MED13L: variants seen among roughly 807,000 people sequenced by gnomAD.
MED13L encodes the protein mediator of RNA polymerase II transcription subunit 13-like.
MED13L carries 7 observed loss-of-function variants against 220.9 expected under a neutral mutation model. The observed-to-expected ratio is 0.03, with a 90% CI of 0.02 to 0.06. The LOEUF (loss-of-function observed/expected upper bound fraction) is 0.06, where lower values mean the gene tolerates loss of function less well. Among genes scored for constraint, MED13L ranks in the 10% least tolerant of loss-of-function variants. MED13L has a pLI of 1.00. For synonymous variants in MED13L, 1,011 were observed against 1,015.2 expected (o/e 1.00, Z 0.08); for missense variants, 1,965 against 2,760.5 (o/e 0.71, Z 6.46).
At chr12:116,044,023 GT>G (rs1881686475) in intron 4 of MED13L, among the ~76,000 whole-genome samples, 1 of 152,148 alleles carries the variant, frequency 6.6e-6, no homozygotes, top group African/African-American at 2.4e-5. Context: ...CTAAACAAAT[GT>G]GTCAAGAAAG....
chr12:116,129,890 C>T (rs1875916587), intron 2 of MED13L, among the ~76,000 whole-genome samples: 1 of 139,580 alleles, frequency 7.2e-6, no homozygotes, highest in Non-Finnish European at 1.5e-5. Flanking sequence ...GCCTGGGCAA[C>T]AGAGTGAGAC....
At chr12:116,078,143 A>G (rs1246762511) in intron 4 of MED13L, among the ~76,000 whole-genome samples, 1 of 139,242 alleles carries the variant, frequency 7.2e-6, no homozygotes, top group Admixed American at 7.0e-5. Flanking sequence ...CTCTGTCTCA[A>G]AAAAAAAAAA....
chr12:116,232,040 G>C lies in MED13L; in HGVS notation c.310+5428C>G, dbSNP rs1869607689. The stretch of plus-strand genomic sequence containing the variant: ...ATGAGTTCAATAAACAATAGTACTA[G>C]TATCTTAAATTATCTTACACCGTGG... On this transcript the variant is annotated intron_variant, in intron 2 of 30. Coordinates refer to ENST00000281928, the MANE Select transcript of MED13L (RefSeq NM_015335.5). The C allele has an allele frequency of 5.2e-6, 5 of 962,866 alleles. No homozygotes were observed. The South Asian group carries it at 2.4e-4, about 46-fold the overall frequency. The allele number at this position is 962,866 out of a possible 1,614,324, so 59.6% of individuals were successfully genotyped here.
At chr12:116,006,859 G>A (rs899277617) in intron 11 of MED13L, 2 of 196,416 alleles carry the variant, frequency 1.0e-5, no homozygotes, top group South Asian at 2.0e-4. Context: ...CTATTTCAAT[G>A]GCCCATATTT....
In MED13L at chr12:115,987,242, C is replaced by T. The variant is rs1877752507; in HGVS notation, c.3981G>A (p.Leu1327=). 9 of 1,613,714 alleles carry T rather than the reference C, an allele frequency of 5.6e-6. No individual in the cohort carries two copies. The highest frequency in any genetic ancestry group is 1.1e-5 in the South Asian group (1 of 91,066). ...MLSSQDVVRM[L]LSLQPFLQDA... ...CTTGGAGAAAGGGCTGCAGGGACAA[C>T]AGCATACGAACCACATCCTGGGAGG... The change falls in exon 18 of 31, where the codon CTG becomes CTA. Residue 1327 remains leucine (L), a synonymous_variant. Transcript: ENST00000281928.
chr12:116,170,907 T>G (rs766438284), intron 2 of MED13L, among the ~76,000 whole-genome samples: 1 of 152,216 alleles, frequency 6.6e-6, no homozygotes, highest in Non-Finnish European at 1.5e-5. Flanking sequence ...TGACAAATTT[T>G]TACTCTTTCA....
intron 2 of MED13L, among the ~76,000 whole-genome samples, chr12:116,172,676 C>G (rs908714712): frequency 6.6e-6 from 1 of 152,096 alleles, no homozygotes; most frequent in Admixed American, 6.6e-5. Flanking sequence ...AGTGACCTTA[C>G]GCTTTCACTT....
chr12:116,011,941 A>G (rs1018421053), intron 9 of MED13L, among the ~76,000 whole-genome samples: 6 of 152,366 alleles, frequency 3.9e-5, no homozygotes, highest in Middle Eastern at 3.4e-3. Context: ...GCCTGAAGCC[A>G]AGTCACTCAT....
chr12:116,058,874 A>G (rs1372475833), intron 4 of MED13L, among the ~76,000 whole-genome samples: 6 of 152,230 alleles, frequency 3.9e-5, no homozygotes, highest in Non-Finnish European at 7.3e-5. Flanking sequence ...CTGACTCACG[A>G]CTATATATGT....
chr12:116,024,216 TG>T (rs1880234677), intron 4 of MED13L, among the ~76,000 whole-genome samples: 1 of 152,048 alleles, frequency 6.6e-6, no homozygotes, highest in South Asian at 2.1e-4. Flanking sequence ...TATCTAAGAA[TG>T]GTGCAAGGAG....
chr12:115,991,361 T>C lies in MED13L; in HGVS notation c.3593A>G (p.Glu1198Gly). The C allele has an allele frequency of 6.2e-7, 1 of 1,613,974 alleles. No homozygotes were observed. The highest frequency in any genetic ancestry group is 8.5e-7 in the Non-Finnish European group (1 of 1,180,016). The part of the protein sequence containing the change: ...GKNSDIGQAA[E>G]RRLMMCQSTF... ...GGACTGACACATCATTAAGCGCCTC[T>C]CTGCAGCCTGACCAATATCAGAATT... Residue 1198 changes from glutamate (E) to glycine (G), a missense_variant, in exon 17 of 31, where the codon GAG becomes GGG. By Grantham distance (98) the Glu-to-Gly change is moderately conservative. This residue lies in a region of MED13L where 165 missense variants were observed against 190.8 expected (regional missense o/e 0.86). Transcript: ENST00000281928. This position sits in a 1 kb window ranked among gnomAD's most constrained non-coding sequence, Gnocchi z 7.7.
chr12:116,035,124 G>A (rs1881103175), intron 4 of MED13L, among the ~76,000 whole-genome samples: 1 of 152,202 alleles, frequency 6.6e-6, no homozygotes, highest in South Asian at 2.1e-4. Context: ...ACATAAATAA[G>A]AGCAGATAGC....
At position 116,258,918 on chromosome 12, in the gene MED13L, GT is replaced by G. The variant is rs768787146; in HGVS notation, c.72+18141del. Reference sequence around the variant, plus strand: ...AAAATTGAAAATTTAAATATTGAGGGTTTTTTTTTTTTTTTGTAGAGGCAGA... The same window carrying G: ...AAAATTGAAAATTTAAATATTGAGGGTTTTTTTTTTTTTTGTAGAGGCAGA... On this transcript the variant is annotated intron_variant, in intron 1 of 30. Transcript: ENST00000281928. 3.4e-3 allele frequency among the ~76,000 whole-genome samples: 467 copies of G among 138,130 alleles called. 1 individual carries two copies. Among genetic ancestry groups the G allele is most frequent in the African/African-American group, 9.0e-3 (342 of 38,018 alleles). 90.6% of individuals were successfully genotyped at this position (138,130 alleles called of 152,430 possible).
intron 2 of MED13L, among the ~76,000 whole-genome samples, chr12:116,150,803 T>G (rs1291524627): frequency 1.3e-5 from 2 of 152,202 alleles, no homozygotes; most frequent in East Asian, 3.8e-4. Flanking sequence ...TAGTCTAGAT[T>G]TGAAACCCAC....
rs1460218059 is a variant in MED13L, at chr12:115,997,986, C to CACTTACAGCTGCTCTTTTGGGGAA, written c.2570-780_2570-757dup. The stretch of plus-strand genomic sequence containing the variant: ...CTCAGCTAGTTTGACAAATCCACTA[C>CACTTACAGCTGCTCTTTTGGGGAA]ACTTACAGCTGCTCTTTTGGGGAAA... On this transcript the variant is annotated intron_variant, in intron 14 of 30. Coordinates refer to ENST00000281928, the MANE Select transcript of MED13L (RefSeq NM_015335.5). Among the ~76,000 whole-genome samples the CACTTACAGCTGCTCTTTTGGGGAA allele has an allele frequency of 5.3e-5, 8 of 152,202 alleles. No homozygotes were observed. The South Asian group carries it at 1.7e-3, about 32-fold the overall frequency.
chr12:116,231,510 C>A (rs972846458), intron 2 of MED13L, among the ~76,000 whole-genome samples: 10 of 152,100 alleles, frequency 6.6e-5, no homozygotes, highest in East Asian at 5.8e-4. Context: ...CCCAAGACAA[C>A]TTCAGGAATA....
At chr12:116,149,226 T>C (rs922024823) in intron 2 of MED13L, among the ~76,000 whole-genome samples, 4 of 152,204 alleles carry the variant, frequency 2.6e-5, no homozygotes, top group African/African-American at 7.2e-5. Flanking sequence ...CATTCTTGAT[T>C]ATGTTTATAT....
At chr12:116,047,116 A>C (rs949661044) in intron 4 of MED13L, among the ~76,000 whole-genome samples, 1 of 152,238 alleles carries the variant, frequency 6.6e-6, no homozygotes, top group African/African-American at 2.4e-5. Flanking sequence ...TTGGGACACC[A>C]AAGCGGGGAG....
intron 11 of MED13L, 56 bp from the exon 12 acceptor site, chr12:116,006,467 T>TA: frequency 1.5e-6 from 2 of 1,335,250 alleles, no homozygotes; most frequent in Non-Finnish European, 1.1e-6. Context: ...AAGTGTGAAA[T>TA]ATGAGGGAGA....
Sources: allele counts gnomAD v4.1 joint callset (sites outside exome capture counted in the v4.1 genomes callset), GRCh38; gene constraint gnomAD v4.1.1; regional missense constraint gnomAD v4.1.1; non-coding constraint Gnocchi (gnomAD v3.1); transcripts MANE v1.5; gene names NCBI Gene and HGNC (gene_info 2026-07-23, HGNC 2026-07-21).